SPRR2G: variants seen among roughly 807,000 people sequenced by gnomAD.
The protein encoded by SPRR2G is small proline rich protein 2G.
A neutral mutation model predicts 0.7 loss-of-function variants in SPRR2G; 1 was observed. The ratio of observed to expected loss-of-function variants is 1.49; its 90% CI spans 0.53 to 7.06. SPRR2G has a LOEUF of 7.06. SPRR2G is among the 30% of genes most tolerant of loss of function. SPRR2G has a pLI of 0.14. For synonymous variants in SPRR2G, 38 were observed against 33.9 expected (o/e 1.12, Z -0.42); for missense variants, 96 against 88.5 (o/e 1.09, Z -0.34).
the SPRR2G span, among the ~76,000 whole-genome samples, chr1:153,180,608 C>T: frequency 6.6e-6 from 1 of 152,120 alleles, no homozygotes; most frequent in Non-Finnish European, 1.5e-5. Flanking sequence ...ACTATATGTA[C>T]ACACTTCTGT....
At chr1:153,192,221 G>T in the SPRR2G span, among the ~76,000 whole-genome samples, 2 of 152,192 alleles carry the variant, frequency 1.3e-5, no homozygotes, top group African/African-American at 4.8e-5. Flanking sequence ...GGAAGCTGAG[G>T]AAGAAGGCAG....
the SPRR2G span, among the ~76,000 whole-genome samples, chr1:153,178,471 G>A: frequency 3.9e-5 from 6 of 152,040 alleles, no homozygotes; most frequent in South Asian, 4.1e-4. Flanking sequence ...GACCTTCATC[G>A]CATAGAGAAA....
chr1:153,167,283 T>C, the SPRR2G span, among the ~76,000 whole-genome samples: 5 of 152,026 alleles, frequency 3.3e-5, no homozygotes, highest in Non-Finnish European at 4.4e-5. Flanking sequence ...TCAACCAGCC[T>C]GACCAACATG....
Position 153,149,822 on chromosome 1 carries a change from G to A in SPRR2G, c.*67C>T. On this transcript the variant is annotated 3_prime_UTR_variant, in exon 2 of 2. Transcript: ENST00000368748. Reference sequence around the variant, plus strand: ...CCACTACAGCTGAAGGGAAGATGATGGAGTCCTGGGAGTAAGAAGAGCCAC... The same window carrying A: ...CCACTACAGCTGAAGGGAAGATGATAGAGTCCTGGGAGTAAGAAGAGCCAC... The A allele has an allele frequency of 6.3e-7, 1 of 1,578,146 alleles. No homozygotes were observed. Among genetic ancestry groups the A allele is most frequent in the Non-Finnish European group, 8.7e-7 (1 of 1,149,456 alleles).
the SPRR2G span, among the ~76,000 whole-genome samples, chr1:153,172,819 G>A: frequency 6.6e-6 from 1 of 152,218 alleles, no homozygotes; most frequent in Non-Finnish European, 1.5e-5. Flanking sequence ...CCTAAAAGGA[G>A]AGAAGAGTTC....
the SPRR2G span, among the ~76,000 whole-genome samples, chr1:153,189,898 C>A: frequency 6.6e-6 from 1 of 152,150 alleles, no homozygotes; most frequent in Non-Finnish European, 1.5e-5. Context: ...ATCTGTGGGG[C>A]AGCCCCACAA....
the SPRR2G span, among the ~76,000 whole-genome samples, chr1:153,168,048 G>A: frequency 5.3e-3 from 805 of 152,282 alleles, 11 homozygotes; most frequent in Middle Eastern, 0.02. Flanking sequence ...GCTCTGAGTA[G>A]TGTCTCCATC....
chr1:153,155,689 C>T (rs1053600975), upstream of SPRR2G, among the ~76,000 whole-genome samples: 1 of 152,176 alleles, frequency 6.6e-6, no homozygotes, highest in African/African-American at 2.4e-5. Context: ...TTCCTTATTA[C>T]TCCACTTTTT....
chr1:153,167,403 G>A, the SPRR2G span, among the ~76,000 whole-genome samples: 2 of 152,128 alleles, frequency 1.3e-5, no homozygotes, highest in East Asian at 1.9e-4. Flanking sequence ...GAACCTGGGA[G>A]GCAGAGGCTG....
chr1:153,201,660 G>A, the SPRR2G span, among the ~76,000 whole-genome samples: 3 of 152,342 alleles, frequency 2.0e-5, no homozygotes, highest in South Asian at 4.1e-4. Flanking sequence ...GTGATAGGGG[G>A]TTAAATCCCA....
At chr1:153,166,629 A>G in the SPRR2G span, among the ~76,000 whole-genome samples, 2 of 152,198 alleles carry the variant, frequency 1.3e-5, no homozygotes, top group Non-Finnish European at 2.9e-5. Flanking sequence ...GGTAGAAGCA[A>G]CACATTTCAC....
chr1:153,167,350 T>C, the SPRR2G span, among the ~76,000 whole-genome samples: 2 of 152,082 alleles, frequency 1.3e-5, no homozygotes, highest in African/African-American at 4.8e-5. Flanking sequence ...GGCTCATGCC[T>C]GTAATCCCAG....
the SPRR2G span, among the ~76,000 whole-genome samples, chr1:153,202,369 A>G: frequency 6.6e-6 from 1 of 152,186 alleles, no homozygotes; most frequent in South Asian, 2.1e-4. Context: ...CAATAAAATG[A>G]CTGCCTTAAA....
the SPRR2G span, among the ~76,000 whole-genome samples, chr1:153,179,230 T>G: frequency 1.3e-5 from 2 of 152,160 alleles, no homozygotes; most frequent in African/African-American, 2.4e-5. Flanking sequence ...TAGGATTTTC[T>G]CCCTTACTTA....
chr1:153,159,349 C>T, the SPRR2G span, among the ~76,000 whole-genome samples: 1 of 152,186 alleles, frequency 6.6e-6, no homozygotes, highest in African/African-American at 2.4e-5. Context: ...GACCTTTACT[C>T]CAGTTCCCAA....
At chr1:153,166,277 C>T in the SPRR2G span, among the ~76,000 whole-genome samples, 9 of 152,180 alleles carry the variant, frequency 5.9e-5, no homozygotes, top group South Asian at 1.9e-3. Context: ...GAGGGTTCTG[C>T]ATTTGTAGTT....
chr1:153,203,004 G>T, the SPRR2G span, among the ~76,000 whole-genome samples: 2 of 152,184 alleles, frequency 1.3e-5, no homozygotes, highest in Non-Finnish European at 1.5e-5. Flanking sequence ...GGTAAGAAGA[G>T]GTTTCAGAAT....
chr1:153,173,452 A>T, the SPRR2G span, among the ~76,000 whole-genome samples: 4 of 152,228 alleles, frequency 2.6e-5, no homozygotes, highest in African/African-American at 7.2e-5. Context: ...TCAAACAGAA[A>T]AAAAAATCTC....
At chr1:153,156,445 C>A in the SPRR2G span, among the ~76,000 whole-genome samples, 1 of 152,208 alleles carries the variant, frequency 6.6e-6, no homozygotes, top group Non-Finnish European at 1.5e-5. Context: ...CAATGGATTA[C>A]AAAAGGAATT....
Sources: allele counts gnomAD v4.1 joint callset (sites outside exome capture counted in the v4.1 genomes callset), GRCh38; gene constraint gnomAD v4.1.1; transcripts MANE v1.5; gene names NCBI Gene and HGNC (gene_info 2026-07-23, HGNC 2026-07-21).